Variants in DMD observed in about 807,000 individuals in gnomAD.
The protein encoded by DMD is mutant dystrophin.
Under a neutral mutation model 330.1 loss-of-function variants are expected in DMD, and 63 were observed. The observed-to-expected ratio is 0.19, with a 90% confidence interval of 0.16 to 0.24. The LOEUF is 0.24. DMD is among the 10% of genes least tolerant of loss of function. The pLI is 1.00. For synonymous variants in DMD, 1,223 were observed against 959.8 expected (o/e 1.27, Z -5.07); for missense variants, 3,344 against 2,684.1 (o/e 1.25, Z -5.43).
chrX:32,885,827 GAAAAAA>G (rs35272541), intron 2 of DMD, among the ~76,000 whole-genome samples: 3 of 64,936 alleles, frequency 4.6e-5, no homozygotes, highest in African/African-American at 1.7e-4. Context: ...CCTTGAGGGG[GAAAAAA>G]AAAAAAAAAA....
chrX:32,481,496 G>C (rs997831479), intron 21 of DMD, among the ~76,000 whole-genome samples: 1 of 111,576 alleles, frequency 9.0e-6, no homozygotes, highest in Non-Finnish European at 1.9e-5. Flanking sequence ...ACCTGTTATA[G>C]AAGTTCTATA....
At position 32,307,825 on chromosome X, in the gene DMD, G is replaced by A. The variant is rs760485095; in HGVS notation, c.6117+2257C>T. Among the ~76,000 whole-genome samples the A allele has an allele frequency of 5.4e-5, 6 of 111,141 alleles. No homozygotes were observed. The South Asian group carries it at 2.2e-3, about 41-fold the overall frequency. On this transcript the variant is annotated intron_variant, in intron 42 of 78. Transcript: ENST00000357033. ...TTTTGGAAAATTTTATCATGAAAAT[G>A]ATTTTTTCTTAAAAATGAAATGCAA...
chrX:32,649,330 G>A (rs1323464936), intron 9 of DMD, among the ~76,000 whole-genome samples: 13 of 109,475 alleles, frequency 1.2e-4, no homozygotes, highest in East Asian at 1.2e-3. Flanking sequence ...TGAGGCAGGC[G>A]GATCACGAGG....
upstream of DMD, among the ~76,000 whole-genome samples, chrX:33,212,398 A>G (rs769638737): frequency 8.9e-6 from 1 of 112,048 alleles, no homozygotes; most frequent in South Asian, 3.7e-4. Flanking sequence ...TTGCCAATAG[A>G]AAGCTTCTTC....
chrX:32,902,196 C>T (rs956134767), intron 2 of DMD, among the ~76,000 whole-genome samples: 1 of 106,874 alleles, frequency 9.4e-6, no homozygotes, highest in Admixed American at 1.0e-4. Context: ...CACACACACA[C>T]GCAGAAACAT....
At chrX:31,338,498 T>G (rs1398183586) in intron 61 of DMD, among the ~76,000 whole-genome samples, 2 of 108,712 alleles carry the variant, frequency 1.8e-5, no homozygotes, top group African/African-American at 6.7e-5. Context: ...AGGCCCCTTA[T>G]CTCAAAGTAG....
At chrX:33,319,065 C>T (rs1056512794) in intron 1 of DMD, among the ~76,000 whole-genome samples, 15 of 108,822 alleles carry the variant, frequency 1.4e-4, no homozygotes, top group African/African-American at 5.0e-4. Flanking sequence ...AGCCAGCTCG[C>T]CTCTTCATCA....
At chrX:32,819,025 T>TTTC (rs386416860) in intron 5 of DMD, among the ~76,000 whole-genome samples, 1 of 104,871 alleles carries the variant, frequency 9.5e-6, no homozygotes, top group East Asian at 3.0e-4. Context: ...TTTTTTTTTT[T>TTTC]TCCAGGGCAT....
chrX:32,353,025 C>T (rs1160665689), intron 37 of DMD, among the ~76,000 whole-genome samples: 1 of 110,903 alleles, frequency 9.0e-6, no homozygotes, highest in African/African-American at 3.3e-5. Context: ...TTATATCAAT[C>T]GGTAGTTTTA....
At chrX:31,828,058 C>A (rs1169544599) in intron 49 of DMD, among the ~76,000 whole-genome samples, 2 of 111,200 alleles carry the variant, frequency 1.8e-5, no homozygotes, top group Admixed American at 9.5e-5. Context: ...AAAGAAATAA[C>A]AAAGATCAAA....
chrX:31,381,734 AG>A (rs2060192343), intron 60 of DMD, among the ~76,000 whole-genome samples: 1 of 112,135 alleles, frequency 8.9e-6, no homozygotes, highest in Non-Finnish European at 1.9e-5. Context: ...ACACCAGCAA[AG>A]GCAGGCTATG....
intron 4 of DMD, among the ~76,000 whole-genome samples, chrX:32,838,001 T>C (rs1369089520): frequency 8.9e-6 from 1 of 112,078 alleles, no homozygotes; most frequent in Non-Finnish European, 1.9e-5. Context: ...GCTTTAGTGT[T>C]GAGATACAGA....
At chrX:31,284,268 G>C (rs1198411953) in intron 62 of DMD, among the ~76,000 whole-genome samples, 1 of 111,456 alleles carries the variant, frequency 9.0e-6, no homozygotes, top group Non-Finnish European at 1.9e-5. Context: ...GTAAGTCAGG[G>C]ATCATCTATG....
chrX:31,601,328 A>C (rs143102045), intron 55 of DMD, among the ~76,000 whole-genome samples: 10 of 112,351 alleles, frequency 8.9e-5, no homozygotes, highest in African/African-American at 2.9e-4. Context: ...TATTAACAGC[A>C]TACTATATTG....
chrX:31,778,363 C>T (rs926544878), intron 50 of DMD, among the ~76,000 whole-genome samples: 2 of 111,142 alleles, frequency 1.8e-5, no homozygotes, highest in Non-Finnish European at 3.8e-5. Flanking sequence ...CTTTGGGTCT[C>T]AAGGAATATA....
chrX:31,305,744 C>T (rs1173281587), intron 62 of DMD, among the ~76,000 whole-genome samples: 1 of 112,425 alleles, frequency 8.9e-6, no homozygotes, highest in Non-Finnish European at 1.9e-5. Context: ...CAAACACCTC[C>T]AACAAACTTC....
At chrX:31,274,982 C>T (rs1357509593) in intron 62 of DMD, among the ~76,000 whole-genome samples, 1 of 109,547 alleles carries the variant, frequency 9.1e-6, no homozygotes, top group Non-Finnish European at 1.9e-5. Context: ...AGAAGATAGA[C>T]CCATATATAG....
chrX:31,401,500 G>A (rs1056411058), intron 60 of DMD, among the ~76,000 whole-genome samples: 4 of 111,839 alleles, frequency 3.6e-5, no homozygotes, highest in African/African-American at 1.3e-4. Context: ...TCCTATTTCA[G>A]CTAGTGAGCT....
At chrX:31,633,855 C>A (rs979094544) in intron 54 of DMD, among the ~76,000 whole-genome samples, 1 of 111,977 alleles carries the variant, frequency 8.9e-6, no homozygotes, top group African/African-American at 3.2e-5. Flanking sequence ...CATTTTAGGG[C>A]TGGAGAGATT....
Sources: allele counts gnomAD v4.1 joint callset (sites outside exome capture counted in the v4.1 genomes callset), GRCh38; gene constraint gnomAD v4.1.1; transcripts MANE v1.5; gene names NCBI Gene and HGNC (gene_info 2026-07-23, HGNC 2026-07-21).